TIMM23B: variants seen among roughly 807,000 people sequenced by gnomAD.
TIMM23B encodes translocase of inner mitochondrial membrane 23 homolog B.
A neutral mutation model predicts 27.3 loss-of-function variants in TIMM23B; 27 were observed. That is an observed-to-expected ratio of 0.99 (90% CI 0.73 to 1.36). The LOEUF (loss-of-function observed/expected upper bound fraction) is 1.36. Ranked by LOEUF, TIMM23B falls within the 40% of genes most tolerant of loss-of-function variation. TIMM23B has a pLI of 0.00. For missense variants in TIMM23B, 205 were observed against 244.2 expected (o/e 0.84, Z 1.07); for synonymous variants, 73 against 92.4 (o/e 0.79, Z 1.21).
intron 6 of TIMM23B, among the ~76,000 whole-genome samples, chr10:49,967,160 G>A (rs1279998159): frequency 6.6e-5 from 10 of 152,056 alleles, no homozygotes; most frequent in African/African-American, 1.9e-4. Flanking sequence ...GAGCTCAAGC[G>A]ATCCACCCTG....
At chr10:49,969,003 T>G (rs58853915) in intron 6 of TIMM23B, among the ~76,000 whole-genome samples, 14,399 of 152,280 alleles carry the variant, frequency 0.095, 1,123 homozygotes, top group East Asian at 0.32. Flanking sequence ...ACGTGCTTAT[T>G]GCTGAAGGTA....
chr10:49,945,988 GA>G (rs1263094984), intron 2 of TIMM23B, among the ~76,000 whole-genome samples: 11 of 152,084 alleles, frequency 7.2e-5, no homozygotes, highest in African/African-American at 1.9e-4. Context: ...CCAGGAGTTT[GA>G]GACCAGCCTG....
intron 4 of TIMM23B, among the ~76,000 whole-genome samples, chr10:49,952,824 T>C (rs1296551903): frequency 5.3e-5 from 8 of 149,608 alleles, no homozygotes; most frequent in Non-Finnish European, 1.0e-4. Flanking sequence ...GACTTGCTTT[T>C]CAAATTGTTG....
intron 2 of TIMM23B, among the ~76,000 whole-genome samples, chr10:49,950,784 C>T (rs1839504601): frequency 6.6e-6 from 1 of 152,100 alleles, no homozygotes; most frequent in Non-Finnish European, 1.5e-5. Flanking sequence ...TCTGGCAGTC[C>T]ACCCGACTCG....
chr10:49,953,045 A>G (rs1839590895), intron 4 of TIMM23B, among the ~76,000 whole-genome samples: 1 of 152,246 alleles, frequency 6.6e-6, no homozygotes, highest in South Asian at 2.1e-4. Context: ...GATAAGACAC[A>G]GTTTTCTGTT....
At chr10:49,960,190 C>T (rs2133082740) in intron 6 of TIMM23B, among the ~76,000 whole-genome samples, 1 of 150,348 alleles carries the variant, frequency 6.7e-6, no homozygotes, top group South Asian at 2.1e-4. Context: ...ACTACAGGCA[C>T]ACGCCTCCAC....
At chr10:49,948,016 TATTTA>T (rs1486503181) in intron 2 of TIMM23B, among the ~76,000 whole-genome samples, 2 of 152,224 alleles carry the variant, frequency 1.3e-5, no homozygotes, top group African/African-American at 4.8e-5. Flanking sequence ...ATATCTAGAA[TATTTA>T]ATTTTTTTAA....
chr10:49,944,017 T>G (rs1839275526), intron 1 of TIMM23B, among the ~76,000 whole-genome samples: 1 of 152,264 alleles, frequency 6.6e-6, no homozygotes, highest in African/African-American at 2.4e-5. Context: ...GCAAATGTCC[T>G]GAAACAAAAC....
chr10:49,947,631 T>C (rs1260788984), intron 2 of TIMM23B, among the ~76,000 whole-genome samples: 2 of 149,450 alleles, frequency 1.3e-5, no homozygotes, highest in East Asian at 3.9e-4. Flanking sequence ...AATAAATAAA[T>C]AAAGAATGGA....
chr10:49,971,225 G>C (rs1192328823), intron 6 of TIMM23B, among the ~76,000 whole-genome samples: 1 of 151,412 alleles, frequency 6.6e-6, no homozygotes, highest in Non-Finnish European at 1.5e-5. Context: ...AGGAAAACCA[G>C]AGACCCTTGT....
At chr10:49,961,094 T>G (rs1839880262) in intron 6 of TIMM23B, among the ~76,000 whole-genome samples, 1 of 151,944 alleles carries the variant, frequency 6.6e-6, no homozygotes, top group Non-Finnish European at 1.5e-5. Flanking sequence ...TGAAAGATGA[T>G]TGGGTCAGCT....
chr10:49,955,188 A>G (rs1452570185), intron 5 of TIMM23B, 128 bp downstream of exon 5: 19 of 1,005,886 alleles, frequency 1.9e-5, no homozygotes, highest in Non-Finnish European at 2.3e-5. Context: ...ATCCATTCCA[A>G]TGCATAATGT....
At chr10:49,956,681 G>A (rs1839737691) in intron 5 of TIMM23B, among the ~76,000 whole-genome samples, 1 of 145,740 alleles carries the variant, frequency 6.9e-6, no homozygotes, top group Non-Finnish European at 1.5e-5. Context: ...GATTCTTCTG[G>A]TTTTTAAGTG....
At chr10:49,962,867 G>A (rs1471446306) in intron 6 of TIMM23B, among the ~76,000 whole-genome samples, 3 of 148,910 alleles carry the variant, frequency 2.0e-5, no homozygotes, top group Admixed American at 6.7e-5. Context: ...ACTTGCTAAC[G>A]TTTGCCAGTG....
intron 5 of TIMM23B, 82 bp from the exon 6 acceptor site, chr10:49,958,288 A>C: frequency 2.3e-6 from 2 of 861,446 alleles, no homozygotes; most frequent in Middle Eastern, 2.4e-4. Context: ...GCTAGGAACC[A>C]TGGATGAAAA....
chr10:49,950,370 T>TA (rs1405566757), intron 2 of TIMM23B, among the ~76,000 whole-genome samples: 6,107 of 151,908 alleles, frequency 0.04, 158 homozygotes, highest in South Asian at 0.076. Context: ...ACATTCAGTA[T>TA]ATTAACATAC....
intron 2 of TIMM23B, among the ~76,000 whole-genome samples, chr10:49,945,569 C>T (rs1839329457): frequency 6.6e-6 from 1 of 152,116 alleles, no homozygotes; most frequent in African/African-American, 2.4e-5. Flanking sequence ...TCAATAGAGA[C>T]CGGGTTTCAC....
At chr10:49,963,616 T>C (rs1434455131) in intron 6 of TIMM23B, among the ~76,000 whole-genome samples, 10 of 150,102 alleles carry the variant, frequency 6.7e-5, no homozygotes, top group African/African-American at 2.5e-4. Flanking sequence ...GGTGATAGAG[T>C]GAGACTCCGT....
chr10:49,960,236 A>G, intron 6 of TIMM23B, among the ~76,000 whole-genome samples: 1 of 144,256 alleles, frequency 6.9e-6, no homozygotes, highest in African/African-American at 2.6e-5. Context: ...TCTTTTTCGG[A>G]GATGGGGTCT....
Sources: allele counts gnomAD v4.1 joint callset (sites outside exome capture counted in the v4.1 genomes callset), GRCh38; gene constraint gnomAD v4.1.1; transcripts MANE v1.5; gene names NCBI Gene and HGNC (gene_info 2026-07-23, HGNC 2026-07-21).